The following ZNF804B variants were observed in gnomAD, a reference collection of about 807,000 sequenced individuals.
ZNF804B encodes zinc finger protein 804B.
ZNF804B carries 80 observed loss-of-function variants against 101.4 expected under a neutral mutation model. The ratio of observed to expected loss-of-function variants is 0.79; its 90% CI spans 0.66 to 0.95. The LOEUF is 0.95. Ranked by LOEUF, ZNF804B falls within the 40% of genes least tolerant of loss-of-function variation. The pLI is 0.00. For synonymous variants in ZNF804B, 622 were observed against 558.8 expected, an observed-to-expected ratio of 1.11 and a Z score of -1.59; for missense variants, 1,673 against 1,561.9, an observed-to-expected ratio of 1.07 and a Z score of -1.20.
chr7:88,982,583 C>G (rs1031149603), intron 1 of ZNF804B, among the ~76,000 whole-genome samples: 1 of 152,052 alleles, frequency 6.6e-6, no homozygotes, highest in Non-Finnish European at 1.5e-5. Flanking sequence ...TGACTGTGTC[C>G]TAATCTTTCC....
At chr7:89,025,330 A>G (rs1045131596) in intron 1 of ZNF804B, among the ~76,000 whole-genome samples, 3 of 152,112 alleles carry the variant, frequency 2.0e-5, no homozygotes, top group East Asian at 1.9e-4. Flanking sequence ...AAACTTAAAC[A>G]TATTACAGTT....
intron 1 of ZNF804B, among the ~76,000 whole-genome samples, chr7:88,845,839 G>A (rs1791365700): frequency 6.6e-6 from 1 of 152,094 alleles, no homozygotes; most frequent in South Asian, 2.1e-4. Flanking sequence ...TGGGTGGCAT[G>A]TCCTTTTCAT....
intron 1 of ZNF804B, among the ~76,000 whole-genome samples, chr7:89,021,458 C>A (rs1218392214): frequency 1.3e-5 from 2 of 152,138 alleles, no homozygotes; most frequent in African/African-American, 2.4e-5. Context: ...GTCCACTGGG[C>A]TGTTTCTCAA....
intron 1 of ZNF804B, among the ~76,000 whole-genome samples, chr7:89,084,552 C>T (rs374731693): frequency 3.9e-4 from 59 of 151,956 alleles, no homozygotes; most frequent in African/African-American, 1.4e-3. Flanking sequence ...TCAGTGACAC[C>T]AGCAAATCAG....
At chr7:88,845,814 A>G (rs943031724) in intron 1 of ZNF804B, among the ~76,000 whole-genome samples, 10 of 152,184 alleles carry the variant, frequency 6.6e-5, no homozygotes, top group African/African-American at 2.4e-4. Flanking sequence ...CCCTAAAGTG[A>G]GAGGCCCTCA....
chr7:88,938,598 T>A (rs1451648328), intron 1 of ZNF804B, among the ~76,000 whole-genome samples: 1 of 152,002 alleles, frequency 6.6e-6, no homozygotes, highest in Non-Finnish European at 1.5e-5. Flanking sequence ...CCAGTCTCTT[T>A]AGATAGGAAT....
chr7:88,945,153 A>G (rs1160718126), intron 1 of ZNF804B, among the ~76,000 whole-genome samples: 1 of 152,026 alleles, frequency 6.6e-6, no homozygotes, highest in Non-Finnish European at 1.5e-5. Context: ...TTAGTCATGA[A>G]GTCTTTGCAC....
intron 1 of ZNF804B, among the ~76,000 whole-genome samples, chr7:89,184,565 T>C (rs1788345127): frequency 6.6e-6 from 1 of 152,202 alleles, no homozygotes; most frequent in Non-Finnish European, 1.5e-5. Context: ...TTATTAATAA[T>C]AATTTAGTGC....
chr7:89,132,195 C>A (rs935922412), intron 1 of ZNF804B, among the ~76,000 whole-genome samples: 3 of 148,556 alleles, frequency 2.0e-5, no homozygotes, highest in Non-Finnish European at 4.4e-5. Context: ...CACACACACA[C>A]ACACACACAG....
chr7:89,072,814 G>A (rs1789561846), intron 1 of ZNF804B, among the ~76,000 whole-genome samples: 1 of 151,968 alleles, frequency 6.6e-6, no homozygotes, highest in Non-Finnish European at 1.5e-5. Flanking sequence ...AAGAAATAAG[G>A]CTACTGCTTG....
chr7:89,278,398 C>T (rs1208861), intron 2 of ZNF804B, among the ~76,000 whole-genome samples: 101,214 of 147,648 alleles, frequency 0.69, 35,520 homozygotes, highest in African/African-American at 0.78. Flanking sequence ...CCATTGCTTT[C>T]GGTGTTTTAG....
chr7:88,948,759 T>C (rs911669264), intron 1 of ZNF804B, among the ~76,000 whole-genome samples: 3 of 151,572 alleles, frequency 2.0e-5, no homozygotes, highest in Non-Finnish European at 2.9e-5. Flanking sequence ...CGAAGTGACA[T>C]TATCTTTACA....
chr7:88,880,553 A>G lies in ZNF804B; in HGVS notation c.108+120469A>G, dbSNP rs1792015469. On this transcript the variant is annotated intron_variant, in intron 1 of 3. Transcript: ENST00000333190. Reference sequence around the variant, plus strand: ...ATTTATTACATATTTTAAAGTCTTTATAAAAATTGCTTTGTTGTCTTAATT... The same window carrying G: ...ATTTATTACATATTTTAAAGTCTTTGTAAAAATTGCTTTGTTGTCTTAATT... Among the ~76,000 whole-genome samples the G allele has an allele frequency of 2.0e-5, 3 of 152,262 alleles. No individual in the cohort carries two copies. The South Asian group carries it at 6.2e-4, about 32-fold the overall frequency.
chr7:89,096,514 C>T (rs924995226), intron 1 of ZNF804B, among the ~76,000 whole-genome samples: 1 of 152,106 alleles, frequency 6.6e-6, no homozygotes, highest in Non-Finnish European at 1.5e-5. Context: ...GCTTTCGACT[C>T]AAAAGTGATC....
intron 1 of ZNF804B, among the ~76,000 whole-genome samples, chr7:88,873,300 C>A (rs551859049): frequency 6.6e-6 from 1 of 152,170 alleles, no homozygotes; most frequent in African/African-American, 2.4e-5. Context: ...GTCCTTTGCA[C>A]ACTTTTTGAT....
At chr7:89,148,152 C>T (rs1790817623) in intron 1 of ZNF804B, among the ~76,000 whole-genome samples, 1 of 151,872 alleles carries the variant, frequency 6.6e-6, no homozygotes, top group African/African-American at 2.4e-5. Flanking sequence ...TAATCTGAGA[C>T]AAATCTATTA....
At chr7:88,843,003 G>T (rs1344505075) in intron 1 of ZNF804B, among the ~76,000 whole-genome samples, 1 of 152,064 alleles carries the variant, frequency 6.6e-6, no homozygotes, top group Non-Finnish European at 1.5e-5. Flanking sequence ...AAAAAAATTA[G>T]AATTTATTTT....
chr7:88,994,072 A>T (rs1793885462), intron 1 of ZNF804B, among the ~76,000 whole-genome samples: 1 of 151,928 alleles, frequency 6.6e-6, no homozygotes, highest in African/African-American at 2.4e-5. Flanking sequence ...TTCCTTATTG[A>T]TTCTTCATCT....
intron 1 of ZNF804B, among the ~76,000 whole-genome samples, chr7:89,120,911 A>T (rs933321896): frequency 6.6e-6 from 1 of 152,228 alleles, no homozygotes; most frequent in Admixed American, 6.5e-5. Flanking sequence ...GCTGAGACAG[A>T]TACTTGAGAA....
Sources: allele counts gnomAD v4.1 joint callset (sites outside exome capture counted in the v4.1 genomes callset), GRCh38; gene constraint gnomAD v4.1.1; transcripts MANE v1.5; gene names NCBI Gene and HGNC (gene_info 2026-07-23, HGNC 2026-07-21).